The following IRAG2 variants were observed in gnomAD, a reference collection of about 807,000 sequenced individuals.
IRAG2 encodes inositol 1,4,5-triphosphate receptor associated 2.
IRAG2 carries 45 observed loss-of-function variants against 69.9 expected under a neutral mutation model. The observed-to-expected ratio is 0.64, with a 90% CI of 0.51 to 0.83. The LOEUF is 0.83. Ranked by LOEUF, IRAG2 falls within the 40% of genes least tolerant of loss-of-function variation. IRAG2 has a pLI of 0.00. For synonymous variants in IRAG2, 193 were observed against 202.4 expected (o/e 0.95, Z 0.40); for missense variants, 520 against 587.0 (o/e 0.89, Z 1.18).
At chr12:25,045,564 A>G (rs1212356254) in intron 16 of IRAG2, among the ~76,000 whole-genome samples, 1 of 152,070 alleles carries the variant, frequency 6.6e-6, no homozygotes, top group Admixed American at 6.6e-5. Flanking sequence ...GCAGAAATAC[A>G]AAGGATTATA....
In IRAG2 at chr12:25,096,907, C is replaced by T; in HGVS notation, c.607-3C>T. 1.2e-6 allele frequency: 2 copies of T among 1,605,440 alleles called. No individual in the cohort carries two copies. Among genetic ancestry groups the T allele is most frequent in the Non-Finnish European group, 1.7e-6 (2 of 1,177,100 alleles). On this transcript the variant is annotated splice_region_variant and splice_polypyrimidine_tract_variant and intron_variant, in intron 14 of 21. Transcript: ENST00000556887. Reference sequence around the variant, plus strand: ...ATCTTTTAATATGCTGTTTTCTATACAGTCTTTAACACCTCTGTGTGAAGA... The same window carrying T: ...ATCTTTTAATATGCTGTTTTCTATATAGTCTTTAACACCTCTGTGTGAAGA...
intron 9 of IRAG2, among the ~76,000 whole-genome samples, chr12:25,029,023 A>C (rs1178335820): frequency 6.6e-6 from 1 of 152,242 alleles, no homozygotes; most frequent in African/African-American, 2.4e-5. Context: ...ACAAACCTGC[A>C]CGTTGTGCAC....
intron 7 of IRAG2, chr12:25,021,083 T>C (rs1413253346): frequency 2.8e-5 from 9 of 322,534 alleles, no homozygotes; most frequent in African/African-American, 2.2e-4. Context: ...CTTTTCTTTC[T>C]TTCTTTTCTT....
chr12:25,071,354 A>G (rs1309494979), intron 6 of IRAG2, among the ~76,000 whole-genome samples: 2 of 152,322 alleles, frequency 1.3e-5, no homozygotes, highest in Non-Finnish European at 2.9e-5. Context: ...TCAAAAAATA[A>G]AAATAAAAAT....
chr12:25,047,381 C>T (rs1345770117), upstream of IRAG2, among the ~76,000 whole-genome samples: 1 of 152,174 alleles, frequency 6.6e-6, no homozygotes, highest in African/African-American at 2.4e-5. Flanking sequence ...AAAAGACAAC[C>T]TATGGAATGG....
Position 25,005,284 on chromosome 12 carries a change from CA to C in IRAG2, c.619del (p.Ser207AlafsTer25). 1 of 1,230,978 alleles carries C rather than the reference CA, an allele frequency of 8.1e-7. No homozygotes were observed. Among genetic ancestry groups the C allele is most frequent in the Non-Finnish European group, 1.0e-6 (1 of 987,118 alleles). The allele number at this position is 1,230,978 out of a possible 1,614,324, so 76.3% of individuals were successfully genotyped here. On this transcript the variant is annotated frameshift_variant, in exon 2 of 39. Coordinates refer to the IRAG2 transcript ENST00000636465. LOFTEE classifies it high-confidence loss of function. Reference sequence around the variant, plus strand: ...ATGATGGTAAAGAAGATGTAATATACAGCATCAACAGGGCCTGTAAAGAAGA... The same window carrying C: ...ATGATGGTAAAGAAGATGTAATATACGCATCAACAGGGCCTGTAAAGAAGA...
intron 16 of IRAG2, chr12:25,101,896 T>G (rs1262463679): frequency 1.7e-6 from 1 of 587,364 alleles, no homozygotes; most frequent in African/African-American, 1.8e-5. Context: ...GTAACCATAT[T>G]TGATACTCTT....
At chr12:25,012,311 T>C (rs964501614) in intron 3 of IRAG2, among the ~76,000 whole-genome samples, 1 of 151,612 alleles carries the variant, frequency 6.6e-6, no homozygotes, top group African/African-American at 2.4e-5. Context: ...TGTGCCACCA[T>C]GCCCGGCTAA....
In IRAG2 at chr12:25,096,292, A is replaced by G. The variant is rs571390493; in HGVS notation, c.607-618A>G. Among the ~76,000 whole-genome samples the G allele has an allele frequency of 2.0e-4, 30 of 152,218 alleles. No homozygotes were observed. The East Asian group carries it at 2.9e-3, about 15-fold the overall frequency. ...TAATTCATGTTGCTTTAGATTTGGGAAAGTTTTAGAAATTTGCTCACAATC... is the reference window on the plus strand; with the variant it reads ...TAATTCATGTTGCTTTAGATTTGGGGAAGTTTTAGAAATTTGCTCACAATC... On this transcript the variant is annotated intron_variant, in intron 14 of 21. Transcript: ENST00000556887.
intron 5 of IRAG2, among the ~76,000 whole-genome samples, chr12:25,067,432 G>T (rs141370147): frequency 6.6e-6 from 1 of 152,112 alleles, no homozygotes; most frequent in African/African-American, 2.4e-5. Context: ...CCTGGAAATA[G>T]CATCCGATTC....
rs562192120 is a variant in IRAG2 at position 25,082,094 on chromosome 12, A to G, written c.245-1329A>G. 3.0e-4 allele frequency among the ~76,000 whole-genome samples: 46 copies of G among 152,216 alleles called. No homozygotes were observed. The South Asian group carries it at 6.2e-3, about 21-fold the overall frequency. ...AAAATTGTGAAGATGGGGTCTCACTATGTTTCCTAGGCTGGTCTCAAAGAA... is the reference window on the plus strand; with the variant it reads ...AAAATTGTGAAGATGGGGTCTCACTGTGTTTCCTAGGCTGGTCTCAAAGAA... On this transcript the variant is annotated intron_variant, in intron 9 of 21. Coordinates refer to ENST00000556887, the MANE Select transcript of IRAG2 (RefSeq NM_001366544.2).
chr12:25,060,649 G>T lies in IRAG2; in HGVS notation c.-446-943G>T, dbSNP rs1279843844. ...TTATCAGTAGGAGGTCAGACTGAAT[G>T]ACCTCTAAAATGTATTTTCTTTTTT... On this transcript the variant is annotated intron_variant, in intron 1 of 21. Transcript: ENST00000556887. Among the ~76,000 whole-genome samples, 4 of 149,300 alleles carry T rather than the reference G, an allele frequency of 2.7e-5. No individual in the cohort carries two copies. The Admixed American group carries it at 2.7e-4, about 10-fold the overall frequency.
chr12:25,052,675 A>T, upstream of IRAG2: 1 of 397,720 alleles, frequency 2.5e-6, no homozygotes. Context: ...GGAGAGGCTT[A>T]TCACTTCCCT....
At chr12:25,020,948 T>A in intron 7 of IRAG2, 1 of 1,033,226 alleles carries the variant, frequency 9.7e-7, no homozygotes, top group Non-Finnish European at 1.2e-6. Context: ...GGCGTATAAT[T>A]TACATAACTG....
chr12:25,071,385 T>C (rs1454035814), intron 6 of IRAG2, among the ~76,000 whole-genome samples: 2 of 152,134 alleles, frequency 1.3e-5, no homozygotes, highest in Non-Finnish European at 2.9e-5. Context: ...TTTTTAAAAA[T>C]ATATCTTGCT....
At chr12:25,033,967 T>C in intron 13 of IRAG2, 1 of 398,966 alleles carries the variant, frequency 2.5e-6, no homozygotes, top group Non-Finnish European at 4.4e-6. Flanking sequence ...TATAAGAAGA[T>C]GGAAAGCTTT....
chr12:25,101,094 A>C, intron 15 of IRAG2, 84 bp from the exon 16 acceptor site: 1 of 1,180,414 alleles, frequency 8.5e-7, no homozygotes. Context: ...TTAGGAATGG[A>C]GTGAAGGTAA....
chr12:25,031,662 T>G (rs946069656), intron 10 of IRAG2, among the ~76,000 whole-genome samples: 1 of 151,844 alleles, frequency 6.6e-6, no homozygotes, highest in African/African-American at 2.4e-5. Context: ...GTGTGTGTGT[T>G]TGTTTTTGTT....
chr12:25,069,686 G>T (rs1023080058), intron 6 of IRAG2, among the ~76,000 whole-genome samples: 12 of 152,182 alleles, frequency 7.9e-5, no homozygotes, highest in Non-Finnish European at 8.8e-5. Context: ...ACCAAAAAGA[G>T]ATTTCAATGA....
Sources: gnomAD v4.1 joint callset for allele counts (sites outside exome capture counted in the v4.1 genomes callset) on GRCh38, gnomAD v4.1.1 for gene constraint, MANE v1.5 for transcripts, NCBI Gene and HGNC (gene_info 2026-07-23, HGNC 2026-07-21) for gene names.